The following CORO7 variants were observed in gnomAD, a reference collection of about 807,000 sequenced individuals.
CORO7 encodes the protein coronin-7.
A neutral mutation model predicts 126.6 loss-of-function variants in CORO7; 107 were observed. The observed-to-expected ratio is 0.85, with a 90% CI of 0.72 to 0.99. The LOEUF (loss-of-function observed/expected upper bound fraction) is 0.99. Among genes scored for constraint, CORO7 ranks in the 50% least tolerant of loss-of-function variants. The probability of loss-of-function intolerance (pLI) is 0.00; values close to 1 mark genes in which losing one functional copy is unlikely to be tolerated. For missense variants in CORO7, 1,314 were observed against 1,255.8 expected, an observed-to-expected ratio of 1.05 and a Z score of -0.70; for synonymous variants, 603 against 536.8, an observed-to-expected ratio of 1.12 and a Z score of -1.70.
chr16:4,405,620 T>C, intron 5 of CORO7, 53 bp from the exon 6 acceptor site: 1 of 1,570,904 alleles, frequency 6.4e-7, no homozygotes, highest in South Asian at 1.1e-5. Flanking sequence ...ACCAGGGAAG[T>C]GGGTGGGGGC....
Position 4,361,968 on chromosome 16 carries a change from T to G in CORO7, c.1578+17A>C, listed in dbSNP as rs1311878305. ...GCAGGGAACTGAGGGGCAGCCCTGGTGGGGTGGGGCCCTCACCTCAAGCAC... is the reference window on the plus strand; with the variant it reads ...GCAGGGAACTGAGGGGCAGCCCTGGGGGGGTGGGGCCCTCACCTCAAGCAC... On this transcript the variant is annotated intron_variant, in intron 16 of 27. Transcript: ENST00000251166. 2 of 1,589,246 alleles carry G rather than the reference T, an allele frequency of 1.3e-6. No homozygotes were observed. Among genetic ancestry groups the G allele is most frequent in the Non-Finnish European group, 1.7e-6 (2 of 1,168,618 alleles).
intron 5 of CORO7, among the ~76,000 whole-genome samples, chr16:4,406,801 A>G (rs1021979087): frequency 4.7e-5 from 7 of 150,330 alleles, no homozygotes; most frequent in Non-Finnish European, 8.9e-5. Context: ...CACCACACCC[A>G]GCTAAGTTTT....
Position 4,374,603 on chromosome 16 carries a change from C to T in CORO7, c.786-9058G>A, listed in dbSNP as rs755780397. The stretch of plus-strand genomic sequence containing the variant: ...CCCTGCTGGCCCTGGGCCCCGAGCC[C>T]GGCTGGGCATTGAGAGCAGTGCGGG... On this transcript the variant is annotated intron_variant, in intron 9 of 27. Transcript: ENST00000251166. 8.5e-5 allele frequency among the ~76,000 whole-genome samples: 13 copies of T among 152,106 alleles called. 1 individual carries two copies. The highest frequency in any genetic ancestry group is 5.9e-4 in the Admixed American group (9 of 15,280).
chr16:4,393,746 C>G (rs2055479566), intron 7 of CORO7, among the ~76,000 whole-genome samples: 1 of 152,092 alleles, frequency 6.6e-6, no homozygotes, highest in Non-Finnish European at 1.5e-5. Flanking sequence ...ACAGTAGGAC[C>G]CTAAACTTCA....
chr16:4,379,898 A>T (rs2054888913), intron 9 of CORO7, among the ~76,000 whole-genome samples: 1 of 151,120 alleles, frequency 6.6e-6, no homozygotes, highest in African/African-American at 2.4e-5. Context: ...AAAAAAAAAA[A>T]AATACAAAAA....
At chr16:4,408,841 T>C (rs555636286) in intron 3 of CORO7, among the ~76,000 whole-genome samples, 2 of 152,258 alleles carry the variant, frequency 1.3e-5, no homozygotes, top group South Asian at 2.1e-4. Context: ...CGGGCGCCTA[T>C]AGTCCCAGCT....
At position 4,388,073 on chromosome 16, in the gene CORO7, A is replaced by C; in HGVS notation, c.703-5T>G. On this transcript the variant is annotated splice_region_variant and splice_polypyrimidine_tract_variant and intron_variant, in intron 8 of 27. Transcript: ENST00000251166. Reference sequence around the variant, plus strand: ...CTTCACTTCGCGCTCACGCATCTGCAGGGAGGGCGAGAGAGGGGCTCAGAG... The same window carrying C: ...CTTCACTTCGCGCTCACGCATCTGCCGGGAGGGCGAGAGAGGGGCTCAGAG... 1 of 1,610,344 alleles carries C rather than the reference A, an allele frequency of 6.2e-7. No individual in the cohort carries two copies. Among genetic ancestry groups the C allele is most frequent in the Non-Finnish European group, 8.5e-7 (1 of 1,178,724 alleles).
chr16:4,388,468 T>A, intron 8 of CORO7, 77 bp downstream of exon 8: 1 of 1,500,114 alleles, frequency 6.7e-7, no homozygotes, highest in Non-Finnish European at 9.1e-7. Context: ...CCGCCTCCCA[T>A]TGGTTTCGTC....
intron 7 of CORO7, among the ~76,000 whole-genome samples, chr16:4,394,974 G>A (rs1452835820): frequency 6.6e-6 from 1 of 152,214 alleles, no homozygotes; most frequent in African/African-American, 2.4e-5. Flanking sequence ...TGCTGACCGT[G>A]CCAGGGTGAA....
chr16:4,408,053 C>T (rs867992592), intron 4 of CORO7, 128 bp downstream of exon 4: 3 of 1,411,870 alleles, frequency 2.1e-6, no homozygotes, highest in African/African-American at 2.8e-5. Context: ...ACCAGCCCCG[C>T]AGCCCTGGGG....
chr16:4,381,579 G>C (rs1463410271), intron 9 of CORO7: 1 of 1,604,772 alleles, frequency 6.2e-7, no homozygotes, highest in South Asian at 1.1e-5. Flanking sequence ...TGCCACCTGT[G>C]ATCCGAGGCC....
chr16:4,386,652 G>A (rs1213944594), intron 9 of CORO7, among the ~76,000 whole-genome samples: 1 of 152,180 alleles, frequency 6.6e-6, no homozygotes, highest in East Asian at 1.9e-4. Flanking sequence ...GAGGCTGAGG[G>A]CAGCCCTGAC....
chr16:4,373,947 C>A (rs2054622063), intron 9 of CORO7, among the ~76,000 whole-genome samples: 1 of 152,176 alleles, frequency 6.6e-6, no homozygotes, highest in African/African-American at 2.4e-5. Flanking sequence ...CTGTTAGTGA[C>A]CTCTCCTGGA....
At chr16:4,357,742 A>C in intron 25 of CORO7, 1 of 692,958 alleles carries the variant, frequency 1.4e-6, no homozygotes, top group Non-Finnish European at 2.3e-6. Flanking sequence ...CCTAGACACC[A>C]CAGTGTGTGC....
intron 26 of CORO7, among the ~76,000 whole-genome samples, chr16:4,355,860 C>T (rs546076255): frequency 1.3e-5 from 2 of 152,166 alleles, no homozygotes; most frequent in Non-Finnish European, 2.9e-5. Context: ...TCACTGCAGC[C>T]TTGACTTTCT....
chr16:4,402,839 G>A (rs1306416286), intron 6 of CORO7, among the ~76,000 whole-genome samples: 3 of 152,164 alleles, frequency 2.0e-5, no homozygotes, highest in South Asian at 2.1e-4. Flanking sequence ...TGAGGAGAGC[G>A]CGCCCCCTAG....
At chr16:4,366,226 G>A (rs546796054) in intron 9 of CORO7, among the ~76,000 whole-genome samples, 331 of 152,356 alleles carry the variant, frequency 2.2e-3, no homozygotes, top group South Asian at 5.4e-3. Context: ...CCAGCAGCAT[G>A]CTCCCAGGCC....
At chr16:4,407,801 C>A in intron 4 of CORO7, 117 bp from the exon 5 acceptor site, 1 of 1,321,048 alleles carries the variant, frequency 7.6e-7, no homozygotes, top group African/African-American at 1.5e-5. Context: ...AGACCACACA[C>A]CTTGGCCTTG....
intron 26 of CORO7, 97 bp from the exon 27 acceptor site, chr16:4,355,469 T>C: frequency 1.4e-5 from 3 of 218,926 alleles, no homozygotes; most frequent in Non-Finnish European, 1.5e-5. Flanking sequence ...TGAAAAGAAC[T>C]TTTTTTTTTT....
Sources: gnomAD v4.1 joint callset for allele counts (sites outside exome capture counted in the v4.1 genomes callset) on GRCh38, gnomAD v4.1.1 for gene constraint, MANE v1.5 for transcripts, NCBI Gene and HGNC (gene_info 2026-07-23, HGNC 2026-07-21) for gene names.